Variants in COL4A5 observed in about 807,000 individuals in gnomAD.
The protein encoded by COL4A5 is collagen type IV alpha 5 chain, also known as collagen alpha-5(IV) chain.
A neutral mutation model predicts 130.2 loss-of-function variants in COL4A5; 26 were observed. The ratio of observed to expected loss-of-function variants is 0.20; its 90% CI spans 0.15 to 0.28. The LOEUF (loss-of-function observed/expected upper bound fraction) is 0.28. Among genes scored for constraint, COL4A5 ranks in the 10% least tolerant of loss-of-function variants. The pLI is 1.00. For missense variants in COL4A5, 1,131 were observed against 1,344.3 expected (o/e 0.84, Z 2.48); for synonymous variants, 496 against 439.6 (o/e 1.13, Z -1.60).
At chrX:108,646,402 A>C (rs1299726034) in intron 36 of COL4A5, among the ~76,000 whole-genome samples, 20 of 111,084 alleles carry the variant, frequency 1.8e-4, no homozygotes, top group Admixed American at 6.7e-4. Context: ...CTGTTCATAT[A>C]CTTTGCCCAC....
In COL4A5 at chrX:108,620,347, G is replaced by C. The variant is rs778559078; in HGVS notation, c.2598G>C (p.Gly866=). 4.1e-6 allele frequency: 5 copies of C among 1,206,089 alleles called. No homozygotes were observed. In the Admixed American group the frequency reaches 8.8e-5, roughly 21 times the overall value. The change falls in exon 31 of 53, where the codon GGG becomes GGC. Residue 866 remains glycine, a synonymous_variant. Coordinates refer to ENST00000328300, the MANE Select transcript of COL4A5 (RefSeq NM_033380.3). Reference sequence around the variant, plus strand: ...CCCCAGGTGAAAGAGGCAGTCCAGGGATCCCCGGAGCACCTGGTCCTATAG... The same window carrying C: ...CCCCAGGTGAAAGAGGCAGTCCAGGCATCCCCGGAGCACCTGGTCCTATAG... ...PGPPGERGSP[G]IPGAPGPIGP... is the part of the protein sequence containing the mutation.
chrX:108,635,345 A>G (rs984548017), intron 36 of COL4A5, among the ~76,000 whole-genome samples: 1 of 111,976 alleles, frequency 8.9e-6, no homozygotes, highest in East Asian at 2.8e-4. Context: ...CATTCTATAC[A>G]TAGTATTTCT....
intron 1 of COL4A5, among the ~76,000 whole-genome samples, chrX:108,445,244 C>T (rs931094743): frequency 1.3e-4 from 15 of 111,387 alleles, no homozygotes; most frequent in Admixed American, 1.1e-3. Context: ...ATAATATACT[C>T]CCTCCAGTCT....
chrX:108,571,595 T>C (rs2066065774), intron 7 of COL4A5, 129 bp downstream of exon 7: 2 of 651,242 alleles, frequency 3.1e-6, no homozygotes, highest in Non-Finnish European at 5.0e-6. Context: ...TAGAGGAAAA[T>C]GTTTCAAAAA....
At position 108,684,527 on chromosome X, in the gene COL4A5, C is replaced by T. The variant is rs184545302; in HGVS notation, c.4217-1504C>T. 1.1e-4 allele frequency among the ~76,000 whole-genome samples: 12 copies of T among 112,156 alleles called. No individual in the cohort carries two copies. The East Asian group carries it at 3.4e-3, about 31-fold the overall frequency. ...GAAGAAATGGATAAATTCCTGGACA[C>T]GTACCCCCTCTCAAGACTAAACCAG... On this transcript the variant is annotated intron_variant, in intron 47 of 52. Coordinates refer to ENST00000328300, the MANE Select transcript of COL4A5 (RefSeq NM_033380.3).
At chrX:108,644,943 CAAAGA>C (rs1020985482) in intron 36 of COL4A5, among the ~76,000 whole-genome samples, 113 of 102,723 alleles carry the variant, frequency 1.1e-3, no homozygotes, top group Non-Finnish European at 2.2e-3. Flanking sequence ...AAAAAGAAAG[CAAAGA>C]AAAGAAACAT....
At chrX:108,526,789 A>G (rs1603264566) in intron 1 of COL4A5, among the ~76,000 whole-genome samples, 2 of 84,214 alleles carry the variant, frequency 2.4e-5, no homozygotes, top group Non-Finnish European at 4.5e-5. Flanking sequence ...TTTTTTTTTG[A>G]CAGGGTCTTG....
At position 108,559,143 on chromosome X, in the gene COL4A5, G is replaced by T. The variant is rs137930367; in HGVS notation, c.221G>T (p.Arg74Leu). The T allele has an allele frequency of 1.7e-6, 2 of 1,201,450 alleles. No homozygotes were observed. Among genetic ancestry groups the T allele is most frequent in the Non-Finnish European group, 2.3e-6 (2 of 887,537 alleles). The change falls in exon 3 of 53, where the codon CGG (arginine) becomes CTG (leucine). Residue 74 changes from arginine (R) to leucine (L), a missense_variant. Physicochemically the swap from Arg to Leu is moderately radical, Grantham distance 102. Coordinates refer to ENST00000328300, the MANE Select transcript of COL4A5 (RefSeq NM_033380.3). ...GGTCCAGAAGGGCCTCCGGGGCCTC[G>T]GGGACAAAAGGTATGTATCATGTTG... is the stretch of plus-strand genomic sequence containing the variant. ...FPGPEGPPGPRGQKGDDGIPG... is the reference protein window; with the variant it reads ...FPGPEGPPGPLGQKGDDGIPG...
At chrX:108,695,141 G>A in intron 51 of COL4A5, 126 bp from the exon 52 acceptor site, 2 of 889,666 alleles carry the variant, frequency 2.2e-6, no homozygotes, top group African/African-American at 2.0e-5. Context: ...GGATACTATT[G>A]TCTTACCTCT....
chrX:108,542,293 T>C (rs2065556073), intron 2 of COL4A5, among the ~76,000 whole-genome samples: 1 of 103,719 alleles, frequency 9.6e-6, no homozygotes, highest in African/African-American at 3.6e-5. Flanking sequence ...GTGTGTGATG[T>C]CCCCCTTCCT....
At chrX:108,503,133 C>A (rs778889121) in intron 1 of COL4A5, among the ~76,000 whole-genome samples, 94 of 111,543 alleles carry the variant, frequency 8.4e-4, no homozygotes, top group African/African-American at 2.9e-3. Context: ...GTGGCTTGAT[C>A]AGACTTAGTT....
intron 2 of COL4A5, among the ~76,000 whole-genome samples, chrX:108,544,710 T>C (rs2065616079): frequency 9.0e-6 from 1 of 111,278 alleles, no homozygotes; most frequent in African/African-American, 3.3e-5. Flanking sequence ...GTACCTCTGG[T>C]AGAATTCGGC....
chrX:108,504,611 T>C (rs1485742069), intron 1 of COL4A5, among the ~76,000 whole-genome samples: 1 of 112,330 alleles, frequency 8.9e-6, no homozygotes, highest in Non-Finnish European at 1.9e-5. Context: ...AAAGAAGGCA[T>C]GCAAATGGCC....
intron 1 of COL4A5, among the ~76,000 whole-genome samples, chrX:108,482,900 A>G (rs994144902): frequency 9.0e-6 from 1 of 111,614 alleles, no homozygotes; most frequent in African/African-American, 3.3e-5. Context: ...GGTTCTCCAC[A>G]TAAGGTCAAA....
chrX:108,571,781 T>C (rs774802858), intron 7 of COL4A5, 30 bp from the exon 8 acceptor site: 2 of 1,115,346 alleles, frequency 1.8e-6, no homozygotes, highest in East Asian at 6.0e-5. Context: ...CTCATACATA[T>C]AAAATAATCC....
At chrX:108,663,968 C>T (rs1235921367) in intron 37 of COL4A5, among the ~76,000 whole-genome samples, 3 of 111,581 alleles carry the variant, frequency 2.7e-5, no homozygotes, top group South Asian at 3.8e-4. Flanking sequence ...GGGCAGATCA[C>T]GAGGTCAGGA....
At chrX:108,504,054 A>G (rs1190365917) in intron 1 of COL4A5, among the ~76,000 whole-genome samples, 2 of 111,813 alleles carry the variant, frequency 1.8e-5, no homozygotes, top group Non-Finnish European at 3.8e-5. Context: ...CACATAACAA[A>G]TTGAAAAGAA....
chrX:108,525,335 A>T (rs771985528), intron 1 of COL4A5, among the ~76,000 whole-genome samples: 1 of 111,719 alleles, frequency 9.0e-6, no homozygotes, highest in South Asian at 3.7e-4. Context: ...TGCTGTTAGC[A>T]TGACTGTATT....
rs1182036182 is a variant in COL4A5 at position 108,508,557 on chromosome X, CAAAAAAA to C, written c.82-31171_82-31165del. Among the ~76,000 whole-genome samples, 8 of 38,176 alleles carry C rather than the reference CAAAAAAA, an allele frequency of 2.1e-4. No individual in the cohort carries two copies. The Admixed American group carries it at 2.6e-3, about 13-fold the overall frequency. The allele number at this position is 38,176 out of a possible 115,157, so 33.2% of individuals were successfully genotyped here. On this transcript the variant is annotated intron_variant, in intron 1 of 52. Transcript: ENST00000328300. ...AACTAGTTTTAAATTCATGTAGGACCAAAAAAAAAAAAAAAAAAAAAAAAGACAAGAA... is the reference window on the plus strand; with the variant it reads ...AACTAGTTTTAAATTCATGTAGGACCAAAAAAAAAAAAAAAAAGACAAGAA...
Sources: gnomAD v4.1 joint callset for allele counts (sites outside exome capture counted in the v4.1 genomes callset) on GRCh38, gnomAD v4.1.1 for gene constraint, MANE v1.5 for transcripts, NCBI Gene and HGNC (gene_info 2026-07-23, HGNC 2026-07-21) for gene names.